The following RYR2 variants were observed in gnomAD, a reference collection of about 807,000 sequenced individuals.
RYR2 encodes cardiac muscle ryanodine receptor-calcium release channel.
RYR2 carries 227 observed loss-of-function variants against 601.1 expected under a neutral mutation model. The ratio of observed to expected loss-of-function variants is 0.38; its 90% CI spans 0.34 to 0.42. The LOEUF is 0.42. RYR2 is among the 10% of genes least tolerant of loss of function. The pLI is 1.00. For synonymous variants in RYR2, 2,223 were observed against 2,175.1 expected (o/e 1.02, Z -0.61); for missense variants, 4,646 against 6,156.5 (o/e 0.75, Z 8.21).
chr1:237,629,556 G>A (rs2148674571), intron 41 of RYR2, among the ~76,000 whole-genome samples: 1 of 152,026 alleles, frequency 6.6e-6, no homozygotes, highest in South Asian at 2.1e-4. Context: ...AAAAGCTGAT[G>A]TAGTTACATA....
chr1:237,614,932 G>A lies in RYR2; in HGVS notation c.5715+89G>A. 1.1e-5 allele frequency: 15 copies of A among 1,305,922 alleles called. No individual in the cohort carries two copies. Among genetic ancestry groups the A allele is most frequent in the Non-Finnish European group, 1.3e-5 (13 of 965,228 alleles). The allele number at this position is 1,305,922 out of a possible 1,614,324, so 80.9% of individuals were successfully genotyped here. A position where few individuals can be genotyped will look rare whatever the true frequency, so the allele number is the denominator to read the frequency against. ...CCTTTGTTTCTTTCTCTGTGTGTGT[G>A]TTTATTTCTTTGCATTCCTGTGTAA... On this transcript the variant is annotated intron_variant, in intron 37 of 104. Transcript: ENST00000366574. This position sits in a 1 kb window ranked among gnomAD's most constrained non-coding sequence, Gnocchi z 4.3.
intron 29 of RYR2, among the ~76,000 whole-genome samples, chr1:237,587,905 G>C (rs1039795846): frequency 6.6e-6 from 1 of 152,156 alleles, no homozygotes; most frequent in African/African-American, 2.4e-5. Flanking sequence ...TTTACCATTT[G>C]AGGAAATGTT....
At position 237,742,340 on chromosome 1, in the gene RYR2, G is replaced by T; in HGVS notation, c.11136G>T (p.Lys3712Asn). The T allele has an allele frequency of 1.3e-6, 2 of 1,569,770 alleles. No homozygotes were observed. The highest frequency in any genetic ancestry group is 2.3e-5 in the East Asian group (1 of 43,582). The change falls in exon 80 of 105, where the codon AAG becomes AAT. Residue 3712 changes from lysine to asparagine, a missense_variant. Physicochemically the swap from Lys to Asn is moderately conservative, Grantham distance 94. Transcript: ENST00000366574. ...ATGACGATGGTGAAGAGGAAGTGAA[G>T]AGTTTTGAAGTAAGATGGATCTTTC... ...EEDDDGEEEVKSFEEKEMEKQ... is the reference protein window; with the variant it reads ...EEDDDGEEEVNSFEEKEMEKQ...
chr1:237,743,145 A>G (rs1224440416), intron 80 of RYR2, among the ~76,000 whole-genome samples: 1 of 151,810 alleles, frequency 6.6e-6, no homozygotes. Flanking sequence ...TTTTCCTTTT[A>G]ATTTACATGT....
At chr1:237,566,321 T>C (rs1463155556) in intron 27 of RYR2, among the ~76,000 whole-genome samples, 2 of 152,090 alleles carry the variant, frequency 1.3e-5, no homozygotes, top group Admixed American at 6.5e-5. Flanking sequence ...GGAGACTCAT[T>C]CCCCAGTCTC....
At chr1:237,110,439 C>T (rs1233682306) in intron 1 of RYR2, among the ~76,000 whole-genome samples, 7 of 148,758 alleles carry the variant, frequency 4.7e-5, no homozygotes, top group Admixed American at 1.3e-4. Context: ...CAACAGTCCC[C>T]GAAGTGTGAT....
chr1:237,263,701 C>G (rs1464263078), intron 1 of RYR2, among the ~76,000 whole-genome samples: 1 of 152,106 alleles, frequency 6.6e-6, no homozygotes, highest in East Asian at 1.9e-4. Flanking sequence ...CTAAATACCA[C>G]CCCCTTGCTG....
intron 1 of RYR2, among the ~76,000 whole-genome samples, chr1:237,065,903 G>A (rs1453591287): frequency 6.6e-6 from 1 of 152,138 alleles, no homozygotes. Flanking sequence ...GTGTGGGGAA[G>A]GTGCTGCACA....
intron 10 of RYR2, among the ~76,000 whole-genome samples, chr1:237,414,327 A>C (rs1000351371): frequency 6.6e-5 from 10 of 152,206 alleles, no homozygotes; most frequent in Non-Finnish European, 1.0e-4. Context: ...TATGTTGCCA[A>C]AATGAAATAA....
At chr1:237,687,593 T>G (rs1573524003) in intron 63 of RYR2, 89 bp downstream of exon 63, 1 of 977,030 alleles carries the variant, frequency 1.0e-6, no homozygotes, top group East Asian at 2.5e-5. Flanking sequence ...CTATGTTGCA[T>G]GGATGCATGT....
chr1:237,354,728 A>G (rs1210581058), intron 3 of RYR2, among the ~76,000 whole-genome samples: 1 of 152,116 alleles, frequency 6.6e-6, no homozygotes, highest in Non-Finnish European at 1.5e-5. Flanking sequence ...AAATATCTTG[A>G]AAAATGTATA....
intron 1 of RYR2, among the ~76,000 whole-genome samples, chr1:237,244,563 C>CA (rs1686582699): frequency 6.6e-6 from 1 of 152,078 alleles, no homozygotes; most frequent in Non-Finnish European, 1.5e-5. Context: ...CTGATGGAAC[C>CA]AATGTGTTGG....
intron 87 of RYR2, among the ~76,000 whole-genome samples, chr1:237,773,918 A>C (rs1455891391): frequency 1.3e-5 from 2 of 152,190 alleles, no homozygotes; most frequent in African/African-American, 2.4e-5. Flanking sequence ...TTAAGCACTT[A>C]GTAAATATTA....
At chr1:237,684,994 TAAAC>T (rs935781612) in intron 62 of RYR2, among the ~76,000 whole-genome samples, 2 of 151,156 alleles carry the variant, frequency 1.3e-5, no homozygotes, top group African/African-American at 4.9e-5. Context: ...ATTTAAGTAA[TAAAC>T]AATGCCAAGT....
chr1:237,799,045 G>C (rs1292156509), intron 97 of RYR2, among the ~76,000 whole-genome samples: 1 of 152,112 alleles, frequency 6.6e-6, no homozygotes, highest in Non-Finnish European at 1.5e-5. Flanking sequence ...GCATTAAAAA[G>C]ATAGTTTAGC....
chr1:237,669,864 G>A (rs1003630859), intron 58 of RYR2, among the ~76,000 whole-genome samples: 30 of 151,894 alleles, frequency 2.0e-4, no homozygotes, highest in African/African-American at 6.3e-4. Flanking sequence ...AGGCAGAGAC[G>A]CTCCTCACTT....
At chr1:237,277,142 T>C (rs1300435091) in intron 2 of RYR2, among the ~76,000 whole-genome samples, 1 of 152,180 alleles carries the variant, frequency 6.6e-6, no homozygotes, top group African/African-American at 2.4e-5. Context: ...ATTCTTCATA[T>C]TAGGAAAGAT....
In RYR2 at chr1:237,623,861, A is replaced by G. The variant is rs373235823; in HGVS notation, c.6013A>G (p.Thr2005Ala). The change falls in exon 39 of 105, where the codon ACA (threonine) becomes GCA (alanine). Residue 2005 changes from threonine to alanine, a missense_variant. Thr to Ala is a moderately conservative substitution (Grantham distance 58, BLOSUM62 0). Coordinates refer to ENST00000366574, the MANE Select transcript of RYR2 (RefSeq NM_001035.3). ...ATTGGATTTCCATGAAGATTTGATG[A>G]CACATTGTGGTAAGGTCTTTTTGAT... ...QLLDFHEDLM[T>A]HCGIELDEDG... 3.0e-5 allele frequency: 48 copies of G among 1,603,254 alleles called. No homozygotes were observed. The highest frequency in any genetic ancestry group is 3.8e-5 in the Non-Finnish European group (44 of 1,170,238).
At chr1:237,271,998 T>C (rs1475768580) in intron 2 of RYR2, among the ~76,000 whole-genome samples, 5 of 152,038 alleles carry the variant, frequency 3.3e-5, no homozygotes, top group Non-Finnish European at 7.4e-5. Flanking sequence ...GGTGTGGTAA[T>C]GCACACCTGT....
Sources: gnomAD v4.1 joint callset for allele counts (sites outside exome capture counted in the v4.1 genomes callset) on GRCh38, gnomAD v4.1.1 for gene constraint, Gnocchi (gnomAD v3.1) non-coding constraint, MANE v1.5 for transcripts, NCBI Gene and HGNC (gene_info 2026-07-23, HGNC 2026-07-21) for gene names.